The following AP1B1 variants were observed in gnomAD, a reference collection of about 807,000 sequenced individuals.
The protein encoded by AP1B1 is adaptor related protein complex 1 subunit beta 1.
A neutral mutation model predicts 104.3 loss-of-function variants in AP1B1; 36 were observed. The ratio of observed to expected loss-of-function variants is 0.35; its 90% CI spans 0.26 to 0.46. The LOEUF (loss-of-function observed/expected upper bound fraction) is 0.46. AP1B1 is among the 20% of genes least tolerant of loss of function. The pLI is 1.00. For missense variants in AP1B1, 901 were observed against 1,247.9 expected (o/e 0.72, Z 4.19); for synonymous variants, 504 against 517.5 (o/e 0.97, Z 0.35).
intron 15 of AP1B1, 112 bp downstream of exon 15, chr22:29,339,642 C>T (rs2061685274): frequency 8.6e-7 from 1 of 1,167,304 alleles, no homozygotes; most frequent in Admixed American, 2.1e-5. Context: ...GGCAGGGGCT[C>T]AGCAGGTGGA....
Position 29,339,753 on chromosome 22 carries a change from C to A in AP1B1, c.2019+1G>T, listed in dbSNP as rs1208625525. ...TTGGTGACGCAAGGGTTGAACCATA[C>A]CCCTTCAGGCTCATCCCCCATCTCC... On this transcript the variant is annotated splice_donor_variant, in intron 15 of 22. Transcript: ENST00000357586. LOFTEE classifies it high-confidence loss of function. 1 of 1,609,136 alleles carries A rather than the reference C, an allele frequency of 6.2e-7. No individual in the cohort carries two copies. The highest frequency in any genetic ancestry group is 8.5e-7 in the Non-Finnish European group (1 of 1,177,898).
intron 3 of AP1B1, among the ~76,000 whole-genome samples, chr22:29,360,801 T>A (rs2062033044): frequency 6.6e-6 from 1 of 152,238 alleles, no homozygotes; most frequent in Admixed American, 6.5e-5. Context: ...TCTTAAGATG[T>A]GAAATTTGGT....
intron 12 of AP1B1, among the ~76,000 whole-genome samples, 154 bp downstream of exon 12, chr22:29,342,131 G>T (rs1359681164): frequency 6.6e-6 from 1 of 152,390 alleles, no homozygotes. Context: ...CTGAAGGCAG[G>T]GAGCTTGGGT....
chr22:29,369,934 G>A (rs2062205890), intron 1 of AP1B1, among the ~76,000 whole-genome samples: 1 of 150,394 alleles, frequency 6.6e-6, no homozygotes, highest in Non-Finnish European at 1.5e-5. Context: ...AAAATGGGCA[G>A]GTAAATCAGA....
At chr22:29,383,762 G>A (rs2062476156) in intron 1 of AP1B1, among the ~76,000 whole-genome samples, 1 of 151,952 alleles carries the variant, frequency 6.6e-6, no homozygotes, top group African/African-American at 2.4e-5. Context: ...CGAGTCCACA[G>A]GGTAGACTGT....
At chr22:29,341,967 G>A (rs1330300061) in intron 12 of AP1B1, among the ~76,000 whole-genome samples, 2 of 152,182 alleles carry the variant, frequency 1.3e-5, no homozygotes, top group African/African-American at 4.8e-5. Context: ...CTCCAGCCTG[G>A]CCATGCCTGT....
At chr22:29,366,786 T>C (rs1450822491) in intron 2 of AP1B1, among the ~76,000 whole-genome samples, 4 of 141,432 alleles carry the variant, frequency 2.8e-5, no homozygotes, top group African/African-American at 1.1e-4. Context: ...GTGACATGAG[T>C]GAAACTCCGT....
chr22:29,386,415 G>A lies in AP1B1; in HGVS notation c.-28+2009C>T, dbSNP rs2062523222. Among the ~76,000 whole-genome samples the A allele has an allele frequency of 2.0e-5, 3 of 152,148 alleles. 1 individual carries two copies. The South Asian group carries it at 6.2e-4, about 32-fold the overall frequency. ...CAGATGATCTTCACACAATCTCTGA[G>A]GGATCTGACTCTTTGAGACCTACTG... On this transcript the variant is annotated intron_variant, in intron 1 of 22. Transcript: ENST00000357586.
intron 17 of AP1B1, among the ~76,000 whole-genome samples, chr22:29,332,781 C>G (rs570857290): frequency 6.6e-6 from 1 of 152,228 alleles, no homozygotes; most frequent in Non-Finnish European, 1.5e-5. Context: ...GCCTGGGACA[C>G]AGAGGGAGAC....
chr22:29,360,086 G>C lies in AP1B1; in HGVS notation c.144-127C>G, dbSNP rs979036268. The C allele has an allele frequency of 1.3e-4, 138 of 1,032,174 alleles. 2 individuals carry two copies. Among genetic ancestry groups the C allele is most frequent in the Non-Finnish European group, 1.8e-4 (130 of 725,206 alleles). The allele number at this position is 1,032,174 out of a possible 1,614,324, so 63.9% of individuals were successfully genotyped here. ...AAAGGAGAGACACACTGGACTTCCT[G>C]GTAAAAGGGAGGGTTTCAGGTCTGC... On this transcript the variant is annotated intron_variant, in intron 3 of 22. Coordinates refer to ENST00000357586, the MANE Select transcript of AP1B1 (RefSeq NM_001127.4).
chr22:29,329,703 T>C lies in AP1B1; in HGVS notation c.2775+9A>G. 6.2e-7 allele frequency: 1 copy of C among 1,613,370 alleles called. No individual in the cohort carries two copies. The highest frequency in any genetic ancestry group is 8.5e-7 in the Non-Finnish European group (1 of 1,179,638). On this transcript the variant is annotated intron_variant, in intron 22 of 22. Transcript: ENST00000357586. ...GGGCGGACGGGGAAAGAGAAAGCGA[T>C]CTGCTAACCTCTAAGTCCTGCACCA...
At chr22:29,351,350 A>T (rs756098793) in intron 8 of AP1B1, 84 bp from the exon 9 acceptor site, 14 of 1,405,924 alleles carry the variant, frequency 1.0e-5, no homozygotes, top group Middle Eastern at 1.8e-4. Context: ...ATATACACAG[A>T]CTCCCTAGGA....
intron 4 of AP1B1, chr22:29,359,585 G>A: frequency 2.2e-6 from 1 of 456,550 alleles, no homozygotes; most frequent in Non-Finnish European, 3.9e-6. Flanking sequence ...TCAGGGCAGT[G>A]AGGGGATCAA....
chr22:29,344,931 G>A (rs895711803), intron 11 of AP1B1, among the ~76,000 whole-genome samples: 4 of 152,182 alleles, frequency 2.6e-5, no homozygotes, highest in Non-Finnish European at 5.9e-5. Context: ...GTGCAGTGGT[G>A]CAGGCCCATA....
chr22:29,376,349 A>G (rs566145432), intron 1 of AP1B1, among the ~76,000 whole-genome samples: 16 of 152,176 alleles, frequency 1.1e-4, no homozygotes, highest in African/African-American at 3.6e-4. Context: ...GGCACTGCAC[A>G]CTCTTGGCAC....
At chr22:29,329,297 C>CT in intron 22 of AP1B1, 1 of 1,167,204 alleles carries the variant, frequency 8.6e-7, no homozygotes, top group Non-Finnish European at 1.1e-6. Flanking sequence ...GGGAGGGAGC[C>CT]TGGAGGGGTG....
At chr22:29,332,893 C>T (rs546058612) in intron 17 of AP1B1, among the ~76,000 whole-genome samples, 4 of 152,332 alleles carry the variant, frequency 2.6e-5, no homozygotes, top group Admixed American at 2.6e-4. Flanking sequence ...GCCCAGGTGT[C>T]ATTACCTACT....
At chr22:29,342,963 C>A (rs1381525076) in intron 11 of AP1B1, among the ~76,000 whole-genome samples, 2 of 152,198 alleles carry the variant, frequency 1.3e-5, no homozygotes, top group East Asian at 1.9e-4. Flanking sequence ...CACCTCCAGA[C>A]CCCCCATGCT....
chr22:29,365,349 C>CA (rs2062118093), intron 2 of AP1B1, among the ~76,000 whole-genome samples: 2 of 151,914 alleles, frequency 1.3e-5, no homozygotes, highest in South Asian at 4.1e-4. Flanking sequence ...ACCCCAACCC[C>CA]AAAATAAAAA....
Sources: gnomAD v4.1 joint callset for allele counts (sites outside exome capture counted in the v4.1 genomes callset) on GRCh38, gnomAD v4.1.1 for gene constraint, MANE v1.5 for transcripts, NCBI Gene and HGNC (gene_info 2026-07-23, HGNC 2026-07-21) for gene names.